The following GZMA variants were observed in gnomAD, a reference collection of about 807,000 sequenced individuals.
The protein encoded by GZMA is granzyme A.
A neutral mutation model predicts 21.1 loss-of-function variants in GZMA; 17 were observed. The ratio of observed to expected loss-of-function variants is 0.81; its 90% CI spans 0.55 to 1.21. The LOEUF is 1.21. Ranked by LOEUF, GZMA falls within the 50% of genes most tolerant of loss-of-function variation. GZMA has a pLI of 0.00. For synonymous variants in GZMA, 90 were observed against 107.8 expected (o/e 0.83, Z 1.03); for missense variants, 306 against 315.9 (o/e 0.97, Z 0.24).
At chr5:55,103,498 T>C (rs1178668876) in intron 1 of GZMA, among the ~76,000 whole-genome samples, 1 of 152,102 alleles carries the variant, frequency 6.6e-6, no homozygotes, top group African/African-American at 2.4e-5. Context: ...CATGCATGGG[T>C]TAAAATGCTG....
intron 1 of GZMA, among the ~76,000 whole-genome samples, chr5:55,103,400 C>A (rs556694079): frequency 3.9e-5 from 6 of 152,318 alleles, no homozygotes; most frequent in Admixed American, 3.9e-4. Flanking sequence ...CCCTCATTAA[C>A]CCTTTGGGTG....
chr5:55,105,631 G>T lies in GZMA; in HGVS notation c.215+13G>T. 1.9e-6 allele frequency: 3 copies of T among 1,608,602 alleles called. No homozygotes were observed. Among genetic ancestry groups the T allele is most frequent in the Non-Finnish European group, 2.6e-6 (3 of 1,176,456 alleles). On this transcript the variant is annotated intron_variant, in intron 2 of 4. Coordinates refer to ENST00000274306, the MANE Select transcript of GZMA (RefSeq NM_006144.4). ...CTCACTGTAACTTGTAAGTGCCTGG[G>T]TTTTTAAAAAAAAGTTTGTAAAGAT... is the stretch of plus-strand genomic sequence containing the variant.
chr5:55,106,568 G>A (rs1467414581), intron 2 of GZMA, among the ~76,000 whole-genome samples: 1 of 152,116 alleles, frequency 6.6e-6, no homozygotes, highest in African/African-American at 2.4e-5. Flanking sequence ...TGCGTGACCA[G>A]GTAGAATTAG....
At chr5:55,109,106 T>C (rs752154304) in intron 4 of GZMA, among the ~76,000 whole-genome samples, 2 of 152,214 alleles carry the variant, frequency 1.3e-5, no homozygotes, top group Non-Finnish European at 1.5e-5. Context: ...GCAGTATGCA[T>C]GGTTTGGCAG....
At chr5:55,102,832 C>A in intron 1 of GZMA, 80 bp downstream of exon 1, 2 of 851,192 alleles carry the variant, frequency 2.3e-6, no homozygotes, top group Non-Finnish European at 4.1e-6. Flanking sequence ...GGCAATATTA[C>A]CTTCCTATAC....
At chr5:55,103,998 CTG>C (rs1205795138) in intron 1 of GZMA, among the ~76,000 whole-genome samples, 1 of 150,862 alleles carries the variant, frequency 6.6e-6, no homozygotes, top group Non-Finnish European at 1.5e-5. Flanking sequence ...GAGCGAGACT[CTG>C]TCTCAAAAAA....
At chr5:55,104,872 G>A (rs1037893868) in intron 1 of GZMA, among the ~76,000 whole-genome samples, 40 of 152,154 alleles carry the variant, frequency 2.6e-4, no homozygotes, top group African/African-American at 9.4e-4. Context: ...CCATGGTTTG[G>A]TCTAGAGATT....
intron 1 of GZMA, among the ~76,000 whole-genome samples, chr5:55,103,943 C>T (rs1488477894): frequency 6.6e-6 from 1 of 151,716 alleles, no homozygotes; most frequent in Non-Finnish European, 1.5e-5. Flanking sequence ...GAGTTGGAGG[C>T]TGCAGTGAGC....
At chr5:55,106,806 T>C (rs1400307007) in intron 2 of GZMA, among the ~76,000 whole-genome samples, 1 of 152,144 alleles carries the variant, frequency 6.6e-6, no homozygotes, top group Admixed American at 6.5e-5. Flanking sequence ...TTCAATATGA[T>C]AGGCACTAGC....
rs781183788 is a variant in GZMA at position 55,102,711 on chromosome 5, CCT to C, written c.37_38del (p.Val14CysfsTer9). 10 of 1,609,870 alleles carry C rather than the reference CCT, an allele frequency of 6.2e-6. No homozygotes were observed. Among genetic ancestry groups the C allele is most frequent in the Non-Finnish European group, 8.5e-6 (10 of 1,176,212 alleles). On this transcript the variant is annotated frameshift_variant, in exon 1 of 5. Transcript: ENST00000274306. LOFTEE classifies it high-confidence loss of function. Reference sequence around the variant, plus strand: ...AGGAACTCCTATAGATTTCTGGCATCCTCTCTCTCAGTTGTCGTTTCTCTCCT... The same window carrying C: ...AGGAACTCCTATAGATTTCTGGCATCCTCTCTCAGTTGTCGTTTCTCTCCT...
At position 55,105,374 on chromosome 5, in the gene GZMA, T is replaced by C. The variant is rs1230139478; in HGVS notation, c.71-100T>C. On this transcript the variant is annotated intron_variant, in intron 1 of 4. Transcript: ENST00000274306. ...GGGAAATGCTCTCATCCAGACTTCCTCTCTGAGTGCAAAAAGCATGGCTGG... is the reference window on the plus strand; with the variant it reads ...GGGAAATGCTCTCATCCAGACTTCCCCTCTGAGTGCAAAAAGCATGGCTGG... 7.0e-6 allele frequency: 7 copies of C among 996,354 alleles called. No homozygotes were observed. In the African/African-American group the frequency reaches 9.7e-5, roughly 14 times the overall value. 61.7% of individuals were successfully genotyped at this position (996,354 alleles called of 1,614,324 possible). A position where few individuals can be genotyped will look rare whatever the true frequency, so the allele number is the denominator to read the frequency against.
chr5:55,106,397 T>C (rs886128744), intron 2 of GZMA, among the ~76,000 whole-genome samples: 1 of 151,974 alleles, frequency 6.6e-6, no homozygotes, highest in Admixed American at 6.6e-5. Flanking sequence ...TATCTTCACA[T>C]CGCTTAAGTC....
chr5:55,109,546 G>T (rs1742467442), intron 4 of GZMA, among the ~76,000 whole-genome samples: 2 of 152,214 alleles, frequency 1.3e-5, no homozygotes, highest in African/African-American at 2.4e-5. Context: ...TTCCAACATG[G>T]TTCTTTATTT....
rs1742436077 is a variant in GZMA at position 55,107,665 on chromosome 5, T to C, written c.216-129T>C. On this transcript the variant is annotated intron_variant, in intron 2 of 4. Coordinates refer to ENST00000274306, the MANE Select transcript of GZMA (RefSeq NM_006144.4). ...CTTTTATTCTTTAAAGCACACATTTTCTTTCTGAGCCACAAAGAAATCTCC... is the reference window on the plus strand; with the variant it reads ...CTTTTATTCTTTAAAGCACACATTTCCTTTCTGAGCCACAAAGAAATCTCC... The C allele has an allele frequency of 1.6e-5, 9 of 548,588 alleles. 1 individual carries two copies. Among genetic ancestry groups the C allele is most frequent in the Middle Eastern group, 3.8e-4 (1 of 2,628 alleles). The allele number at this position is 548,588 out of a possible 1,614,324, so 34.0% of individuals were successfully genotyped here.
Position 55,105,602 on chromosome 5 carries a change from G to A in GZMA, c.199G>A (p.Ala67Thr), listed in dbSNP as rs753768795. The A allele has an allele frequency of 3.1e-6, 5 of 1,613,562 alleles. No homozygotes were observed. Among genetic ancestry groups the A allele is most frequent in the East Asian group, 2.2e-5 (1 of 44,846 alleles). ...ALIAKDWVLTAAHCNLNKRSQ... is the reference protein window; with the variant it reads ...ALIAKDWVLTTAHCNLNKRSQ... ...GATTGCAAAAGACTGGGTGTTGACT[G>A]CAGCTCACTGTAACTTGTAAGTGCC... is the stretch of plus-strand genomic sequence containing the variant. The change falls in exon 2 of 5, where the codon GCA becomes ACA. Residue 67 changes from alanine (A) to threonine (T), a missense_variant. By Grantham distance (58) the Ala-to-Thr change is moderately conservative. Transcript: ENST00000274306.
rs757837544 is a variant in GZMA at position 55,110,063 on chromosome 5, G to A, written c.670G>A (p.Gly224Arg). 1 of 1,612,134 alleles carries A rather than the reference G, an allele frequency of 6.2e-7. No homozygotes were observed. The highest frequency in any genetic ancestry group is 8.5e-7 in the Non-Finnish European group (1 of 1,179,144). The change falls in exon 5 of 5, where the codon GGG (glycine) becomes AGG (arginine). Residue 224 changes from glycine to arginine, a missense_variant. Transcript: ENST00000274306. ...SPLLCEGVFRGVTSFGLENKC... is the reference protein window; with the variant it reads ...SPLLCEGVFRRVTSFGLENKC... Reference sequence around the variant, plus strand: ...TTTGTTGTGCGAGGGTGTTTTCCGAGGGGTCACTTCCTTTGGCCTTGAAAA... The same window carrying A: ...TTTGTTGTGCGAGGGTGTTTTCCGAAGGGTCACTTCCTTTGGCCTTGAAAA...
rs554028077 is a variant in GZMA at position 55,107,896 on chromosome 5, T to C, written c.318T>C (p.Tyr106=). 45 of 1,613,436 alleles carry C rather than the reference T, an allele frequency of 2.8e-5. No individual in the cohort carries two copies. The highest frequency in any genetic ancestry group is 5.0e-5 in the Admixed American group (3 of 60,020). ...AGAAAGAGTTTCCCTATCCATGCTA[T>C]GACCCAGCCACACGCGAAGGTGACC... ...LVKKEFPYPC[Y]DPATREGDLK... Residue 106 remains tyrosine, a synonymous_variant, in exon 3 of 5, where the codon TAT becomes TAC. Coordinates refer to ENST00000274306, the MANE Select transcript of GZMA (RefSeq NM_006144.4).
intron 2 of GZMA, among the ~76,000 whole-genome samples, chr5:55,106,594 GT>G (rs940908527): frequency 6.6e-6 from 1 of 152,212 alleles, no homozygotes; most frequent in African/African-American, 2.4e-5. Context: ...GCATGGAAGG[GT>G]GAAACTTTCA....
At chr5:55,106,455 AC>A (rs1742420534) in intron 2 of GZMA, among the ~76,000 whole-genome samples, 1 of 152,144 alleles carries the variant, frequency 6.6e-6, no homozygotes, top group Non-Finnish European at 1.5e-5. Flanking sequence ...CACACTTGCC[AC>A]AAAGAATCAG....
Sources: gnomAD v4.1 joint callset for allele counts (sites outside exome capture counted in the v4.1 genomes callset) on GRCh38, gnomAD v4.1.1 for gene constraint, MANE v1.5 for transcripts, NCBI Gene and HGNC (gene_info 2026-07-23, HGNC 2026-07-21) for gene names.